Variants in AGAP1 observed in about 807,000 individuals in gnomAD.
AGAP1 encodes the protein ArfGAP with GTPase domain, ankyrin repeat and PH domain 1, also known as arf-GAP with GTPase, ANK repeat and PH domain-containing protein 1.
AGAP1 carries 29 observed loss-of-function variants against 105.3 expected under a neutral mutation model. The ratio of observed to expected loss-of-function variants is 0.28; its 90% CI spans 0.21 to 0.38. AGAP1 has a LOEUF of 0.38. AGAP1 is among the 10% of genes least tolerant of loss of function. AGAP1 has a pLI of 1.00. For missense variants in AGAP1, 998 were observed against 1,165.1 expected (o/e 0.86, Z 2.09); for synonymous variants, 509 against 485.9 (o/e 1.05, Z -0.63).
At position 235,807,277 on chromosome 2, in the gene AGAP1, C is replaced by A. The variant is rs759695757; in HGVS notation, c.996C>A (p.Gly332=). Reference sequence around the variant, plus strand: ...GCGACCCAGACAAAGAGAAGAAAGGCCTGGAGAGTCGTGCGGACAGCATTG... The same window carrying A: ...GCGACCCAGACAAAGAGAAGAAAGGACTGGAGAGTCGTGCGGACAGCATTG... The part of the protein sequence containing the change: ...KGSDPDKEKK[G]LESRADSIGS... The change falls in exon 9 of 18, where the codon GGC becomes GGA. Residue 332 remains glycine, a synonymous_variant. Coordinates refer to ENST00000304032, the MANE Select transcript of AGAP1 (RefSeq NM_001037131.3). 3.7e-6 allele frequency: 6 copies of A among 1,606,914 alleles called. No homozygotes were observed. Among genetic ancestry groups the A allele is most frequent in the Non-Finnish European group, 5.1e-6 (6 of 1,178,176 alleles).
chr2:235,609,638 T>G lies in AGAP1; in HGVS notation c.164-99541T>G, dbSNP rs1229068826. 6.6e-6 allele frequency among the ~76,000 whole-genome samples: 1 copy of G among 152,082 alleles called. No individual in the cohort carries two copies. The highest frequency in any genetic ancestry group is 1.5e-5 in the Non-Finnish European group (1 of 68,020). ...GAGGGGCTCCTGCCTGTCTCAGTGC[T>G]CTGGGGTCCCGTGCTGAGGGAGCAT... On this transcript the variant is annotated intron_variant, in intron 1 of 17. Transcript: ENST00000304032. The surrounding 1 kb of genome is among the most constrained non-coding windows in gnomAD (Gnocchi z 5.1).
In AGAP1 at chr2:235,851,301, C is replaced by T. The variant is rs78420036; in HGVS notation, c.1051-32044C>T. On this transcript the variant is annotated intron_variant, in intron 9 of 17. Transcript: ENST00000304032. The stretch of plus-strand genomic sequence containing the variant: ...GGTCGGAGCTGGGAGGGAAACGTGG[C>T]TCCACTACAGACATGGGGTTTGGGC... Among the ~76,000 whole-genome samples, 391 of 152,316 alleles carry T rather than the reference C, an allele frequency of 2.6e-3. 1 individual carries two copies. The highest frequency in any genetic ancestry group is 8.9e-3 in the African/African-American group (372 of 41,586).
At chr2:235,990,441 G>A (rs1222528407) in intron 13 of AGAP1, among the ~76,000 whole-genome samples, 1 of 152,204 alleles carries the variant, frequency 6.6e-6, no homozygotes, top group African/African-American at 2.4e-5. Flanking sequence ...GCCAGGACTG[G>A]CAACATCCCG....
At chr2:235,873,217 A>G (rs963646637) in intron 9 of AGAP1, among the ~76,000 whole-genome samples, 7 of 152,220 alleles carry the variant, frequency 4.6e-5, no homozygotes, top group African/African-American at 1.7e-4. Context: ...CCCACTTGGT[A>G]CAAACACTCT....
At chr2:236,115,012 G>A (rs2059735866) in intron 16 of AGAP1, among the ~76,000 whole-genome samples, 1 of 152,180 alleles carries the variant, frequency 6.6e-6, no homozygotes, top group South Asian at 2.1e-4. Context: ...CAAGACCTCT[G>A]GCCAAGAGCA....
rs941678298 is a variant in AGAP1, at chr2:235,741,234, A to T, written c.396+186A>T. ...CTAATTCTTTTTTTATTTTTTTCCC[A>T]GACTAAATCCTGCAGGGAAGTTGGG... On this transcript the variant is annotated intron_variant, in intron 4 of 17. Coordinates refer to ENST00000304032, the MANE Select transcript of AGAP1 (RefSeq NM_001037131.3). The surrounding 1 kb of genome is among the most constrained non-coding windows in gnomAD (Gnocchi z 4.9). 2.0e-5 allele frequency among the ~76,000 whole-genome samples: 3 copies of T among 151,950 alleles called. No individual in the cohort carries two copies. Among genetic ancestry groups the T allele is most frequent in the Non-Finnish European group, 2.9e-5 (2 of 67,994 alleles).
Position 235,750,631 on chromosome 2 carries a change from T to C in AGAP1, c.673+143T>C. 8.3e-7 allele frequency: 1 copy of C among 1,209,352 alleles called. No individual in the cohort carries two copies. The highest frequency in any genetic ancestry group is 1.2e-6 in the Non-Finnish European group (1 of 846,302). The allele number at this position is 1,209,352 out of a possible 1,614,324, so 74.9% of individuals were successfully genotyped here. A position where few individuals can be genotyped will look rare whatever the true frequency, so the allele number is the denominator to read the frequency against. ...GGCATTAGTATCGAGAGCAGTCCATTCCAGAGGCAATTCTCAGGTATGTTT... is the reference window on the plus strand; with the variant it reads ...GGCATTAGTATCGAGAGCAGTCCATCCCAGAGGCAATTCTCAGGTATGTTT... On this transcript the variant is annotated intron_variant, in intron 6 of 17. Coordinates refer to ENST00000304032, the MANE Select transcript of AGAP1 (RefSeq NM_001037131.3). This position sits in a 1 kb window ranked among gnomAD's most constrained non-coding sequence, Gnocchi z 5.3.
In AGAP1 at chr2:235,599,821, G is replaced by C. The variant is rs552096164; in HGVS notation, c.163+104972G>C. On this transcript the variant is annotated intron_variant, in intron 1 of 17. Coordinates refer to ENST00000304032, the MANE Select transcript of AGAP1 (RefSeq NM_001037131.3). This position sits in a 1 kb window ranked among gnomAD's most constrained non-coding sequence, Gnocchi z 5.3. Reference sequence around the variant, plus strand: ...GGCTGGGAAGATGAGCAGGGATCCTGGGATGTGATGGCACGGTCAGTCGCC... The same window carrying C: ...GGCTGGGAAGATGAGCAGGGATCCTCGGATGTGATGGCACGGTCAGTCGCC... 1.8e-4 allele frequency among the ~76,000 whole-genome samples: 27 copies of C among 152,334 alleles called. No homozygotes were observed. The highest frequency in any genetic ancestry group is 6.3e-4 in the African/African-American group (26 of 41,580).
At chr2:235,583,141 G>C (rs1160067317) in intron 1 of AGAP1, among the ~76,000 whole-genome samples, 1 of 152,174 alleles carries the variant, frequency 6.6e-6, no homozygotes, top group East Asian at 1.9e-4. Flanking sequence ...GGTCAGGTGT[G>C]GGTCCTCTGC....
At chr2:235,591,870 C>A (rs1292053268) in intron 1 of AGAP1, among the ~76,000 whole-genome samples, 1 of 145,580 alleles carries the variant, frequency 6.9e-6, no homozygotes, top group Non-Finnish European at 1.5e-5. Flanking sequence ...CCCACCACTT[C>A]TCTCTTGCTC....
chr2:235,999,461 G>A lies in AGAP1; in HGVS notation c.1645+30838G>A, dbSNP rs898403544. ...GGTAGTTATAGTGGTGGTGACAATGGTAGTAGTGATTGTGGTGACGATGGT... is the reference window on the plus strand; with the variant it reads ...GGTAGTTATAGTGGTGGTGACAATGATAGTAGTGATTGTGGTGACGATGGT... On this transcript the variant is annotated intron_variant, in intron 13 of 17. Transcript: ENST00000304032. Among the ~76,000 whole-genome samples the A allele has an allele frequency of 4.5e-4, 63 of 141,092 alleles. 2 individuals carry two copies. The highest frequency in any genetic ancestry group is 1.2e-3 in the Admixed American group (17 of 14,316). 92.6% of individuals were successfully genotyped at this position (141,092 alleles called of 152,430 possible).
rs1346440684 is a variant in AGAP1, at chr2:235,691,421, G to T, written c.164-17758G>T. Among the ~76,000 whole-genome samples the T allele has an allele frequency of 6.6e-6, 1 of 152,254 alleles. No individual in the cohort carries two copies. The highest frequency in any genetic ancestry group is 2.4e-5 in the African/African-American group (1 of 41,468). ...CACGTCTCCGTTGCGAGAAGCAAAAGTAGATTTAACACATCTTTAAAATCC... is the reference window on the plus strand; with the variant it reads ...CACGTCTCCGTTGCGAGAAGCAAAATTAGATTTAACACATCTTTAAAATCC... On this transcript the variant is annotated intron_variant, in intron 1 of 17. Coordinates refer to ENST00000304032, the MANE Select transcript of AGAP1 (RefSeq NM_001037131.3). The surrounding 1 kb of genome is among the most constrained non-coding windows in gnomAD (Gnocchi z 4.4).
chr2:235,657,628 CGCCTCG>C (rs1947816294), intron 1 of AGAP1, among the ~76,000 whole-genome samples: 1 of 152,106 alleles, frequency 6.6e-6, no homozygotes, highest in African/African-American at 2.4e-5. Flanking sequence ...GTGATCCATC[CGCCTCG>C]GCCTCCCAAA....
At chr2:235,860,026 T>C (rs949499955) in intron 9 of AGAP1, among the ~76,000 whole-genome samples, 1 of 152,236 alleles carries the variant, frequency 6.6e-6, no homozygotes, top group Non-Finnish European at 1.5e-5. Context: ...ATAATTGCTT[T>C]CTTCTGTCCT....
At chr2:235,584,925 T>TA (rs1945054981) in intron 1 of AGAP1, among the ~76,000 whole-genome samples, 2 of 145,886 alleles carry the variant, frequency 1.4e-5, no homozygotes, top group African/African-American at 5.2e-5. Context: ...TTTTTTTTTT[T>TA]AAAGAAAACC....
rs976241289 is a variant in AGAP1 at position 235,664,359 on chromosome 2, A to C, written c.164-44820A>C. ...CCCAGGTAGCTGGGATTACAGGTGC[A>C]CACCACCACGCCCAGCTAATTTTTT... On this transcript the variant is annotated intron_variant, in intron 1 of 17. Coordinates refer to ENST00000304032, the MANE Select transcript of AGAP1 (RefSeq NM_001037131.3). This position sits in a 1 kb window ranked among gnomAD's most constrained non-coding sequence, Gnocchi z 5.7. Among the ~76,000 whole-genome samples the C allele has an allele frequency of 2.6e-5, 4 of 151,898 alleles. No homozygotes were observed. Among genetic ancestry groups the C allele is most frequent in the Middle Eastern group, 3.2e-3 (1 of 316 alleles).
Position 235,751,706 on chromosome 2 carries a change from C to G in AGAP1, c.673+1218C>G, listed in dbSNP as rs10171925. Among the ~76,000 whole-genome samples the G allele has an allele frequency of 0.011, 1,605 of 152,306 alleles. 26 individuals carry two copies. The highest frequency in any genetic ancestry group is 0.037 in the African/African-American group (1,532 of 41,566). On this transcript the variant is annotated intron_variant, in intron 6 of 17. Coordinates refer to ENST00000304032, the MANE Select transcript of AGAP1 (RefSeq NM_001037131.3). This position sits in a 1 kb window ranked among gnomAD's most constrained non-coding sequence, Gnocchi z 5.3. ...TGGAGCAGTGAGGTTCCTTTCTAAGCCTGCCGTCTCTTCCCGCGCATCTCT... is the reference window on the plus strand; with the variant it reads ...TGGAGCAGTGAGGTTCCTTTCTAAGGCTGCCGTCTCTTCCCGCGCATCTCT...
intron 1 of AGAP1, among the ~76,000 whole-genome samples, chr2:235,657,448 G>A (rs1947809836): frequency 6.6e-6 from 1 of 152,050 alleles, no homozygotes; most frequent in Non-Finnish European, 1.5e-5. Flanking sequence ...GCGCCACCTC[G>A]GCTCACTGCA....
At chr2:235,871,873 G>T (rs1188170835) in intron 9 of AGAP1, among the ~76,000 whole-genome samples, 1 of 152,142 alleles carries the variant, frequency 6.6e-6, no homozygotes, top group Non-Finnish European at 1.5e-5. Context: ...GCAGCCCAGG[G>T]TCAGTGTGGG....
Sources: gnomAD v4.1 joint callset for allele counts (sites outside exome capture counted in the v4.1 genomes callset) on GRCh38, gnomAD v4.1.1 for gene constraint, Gnocchi (gnomAD v3.1) non-coding constraint, MANE v1.5 for transcripts, NCBI Gene and HGNC (gene_info 2026-07-23, HGNC 2026-07-21) for gene names.